Variants in LHFPL6 observed in about 807,000 individuals in gnomAD.
The protein encoded by LHFPL6 is LHFPL tetraspan subfamily member 6 protein.
In LHFPL6, 9 loss-of-function variants were observed where a neutral mutation model predicts 20.6. The ratio of observed to expected loss-of-function variants is 0.44; its 90% confidence interval spans 0.26 to 0.76. LHFPL6 has a LOEUF of 0.76. Among genes scored for constraint, LHFPL6 ranks in the 30% least tolerant of loss-of-function variants. LHFPL6 has a pLI of 0.20. For synonymous variants in LHFPL6, 105 were observed against 98.7 expected, an observed-to-expected ratio of 1.06 and a Z score of -0.38; for missense variants, 218 against 253.5, an observed-to-expected ratio of 0.86 and a Z score of 0.95.
At chr13:39,400,034 G>A (rs1036737707) in intron 2 of LHFPL6, among the ~76,000 whole-genome samples, 3 of 152,072 alleles carry the variant, frequency 2.0e-5, no homozygotes, top group African/African-American at 7.2e-5. Flanking sequence ...TGGAGATTGC[G>A]GTGAGCCAAG....
intron 2 of LHFPL6, among the ~76,000 whole-genome samples, chr13:39,584,891 A>G (rs915958248): frequency 1.3e-5 from 2 of 152,206 alleles, no homozygotes; most frequent in Non-Finnish European, 1.5e-5. Context: ...ACAGCCAGGA[A>G]GAAGAAATAA....
In LHFPL6 at chr13:39,480,379, T is replaced by C. The variant is rs530248521; in HGVS notation, c.386-101853A>G. On this transcript the variant is annotated intron_variant, in intron 2 of 3. Transcript: ENST00000379589. Reference sequence around the variant, plus strand: ...ATGAATATATTAATACAAATATGTATAGTTCATAGAGAGCATCTATTACTA... The same window carrying C: ...ATGAATATATTAATACAAATATGTACAGTTCATAGAGAGCATCTATTACTA... 7.2e-5 allele frequency among the ~76,000 whole-genome samples: 11 copies of C among 152,348 alleles called. No homozygotes were observed. In the East Asian group the frequency reaches 7.7e-4, roughly 11 times the overall value.
At chr13:39,401,999 T>G (rs1414491251) in intron 2 of LHFPL6, among the ~76,000 whole-genome samples, 2 of 152,170 alleles carry the variant, frequency 1.3e-5, no homozygotes, top group African/African-American at 2.4e-5. Flanking sequence ...ACTAACCACA[T>G]GTGGATATTG....
intron 2 of LHFPL6, among the ~76,000 whole-genome samples, chr13:39,553,254 C>T (rs547468945): frequency 6.6e-6 from 1 of 152,260 alleles, no homozygotes; most frequent in East Asian, 1.9e-4. Flanking sequence ...CTGTGGTAGA[C>T]TAATTACAGC....
chr13:39,409,190 A>G (rs1871192736), intron 2 of LHFPL6, among the ~76,000 whole-genome samples: 1 of 152,182 alleles, frequency 6.6e-6, no homozygotes, highest in Non-Finnish European at 1.5e-5. Context: ...GCGGTGGCTC[A>G]CATCTGTAAT....
intron 2 of LHFPL6, among the ~76,000 whole-genome samples, chr13:39,390,055 A>T (rs4943657): frequency 0.6 from 90,830 of 151,948 alleles, 27,841 homozygotes; most frequent in Admixed American, 0.7. Flanking sequence ...ACTTTTTTTT[A>T]AAAAGTTTGG....
chr13:39,474,452 C>T (rs904353135), intron 2 of LHFPL6, among the ~76,000 whole-genome samples: 3 of 152,032 alleles, frequency 2.0e-5, no homozygotes, highest in Non-Finnish European at 2.9e-5. Context: ...TCATATTTAG[C>T]TTTTAGTTCA....
At chr13:39,381,341 T>A (rs1460701620) in intron 2 of LHFPL6, among the ~76,000 whole-genome samples, 4 of 152,148 alleles carry the variant, frequency 2.6e-5, no homozygotes, top group Non-Finnish European at 5.9e-5. Context: ...GGCCAGGGGC[T>A]CTCCAAGGGG....
At chr13:39,563,103 C>T (rs1183143784) in intron 2 of LHFPL6, among the ~76,000 whole-genome samples, 8 of 90,112 alleles carry the variant, frequency 8.9e-5, no homozygotes, top group African/African-American at 5.4e-4. Context: ...CACACACACA[C>T]ACACACACAC....
chr13:39,446,689 T>C (rs1226955136), intron 2 of LHFPL6, among the ~76,000 whole-genome samples: 1 of 48,156 alleles, frequency 2.1e-5, no homozygotes, highest in African/African-American at 8.0e-5. Context: ...TAAACCATAT[T>C]GCCCAAAGTA....
intron 2 of LHFPL6, among the ~76,000 whole-genome samples, chr13:39,462,372 TG>T: frequency 6.6e-6 from 1 of 152,298 alleles, no homozygotes; most frequent in South Asian, 2.1e-4. Context: ...TCCTTTGCTT[TG>T]GTTGCTTTTA....
chr13:39,345,041 C>T lies in LHFPL6; in HGVS notation c.485-987G>A, dbSNP rs74044027. Among the ~76,000 whole-genome samples the T allele has an allele frequency of 6.6e-3, 1,003 of 152,308 alleles. 8 individuals are homozygous for T. The highest frequency in any genetic ancestry group is 0.023 in the African/African-American group (973 of 41,568). ...GAAGGCCTCTATATCTTATACTGGACACTGTACTTTCTGCTTCAATTCTAA... is the reference window on the plus strand; with the variant it reads ...GAAGGCCTCTATATCTTATACTGGATACTGTACTTTCTGCTTCAATTCTAA... On this transcript the variant is annotated intron_variant, in intron 3 of 3. Transcript: ENST00000379589.
intron 2 of LHFPL6, among the ~76,000 whole-genome samples, chr13:39,408,749 C>T (rs1245553565): frequency 6.6e-6 from 1 of 152,208 alleles, no homozygotes; most frequent in Non-Finnish European, 1.5e-5. Flanking sequence ...TGCCTGTCAA[C>T]ATCCAAAACA....
chr13:39,440,771 CT>C (rs1566112126), intron 2 of LHFPL6, among the ~76,000 whole-genome samples: 1 of 152,100 alleles, frequency 6.6e-6, no homozygotes, highest in Non-Finnish European at 1.5e-5. Context: ...TGAATTGTAA[CT>C]CCCACAATTC....
intron 2 of LHFPL6, among the ~76,000 whole-genome samples, chr13:39,431,242 C>A (rs1871791126): frequency 6.6e-6 from 1 of 152,192 alleles, no homozygotes; most frequent in South Asian, 2.1e-4. Flanking sequence ...CTGTAACACT[C>A]ACTGCGAAGG....
At chr13:39,569,599 C>T (rs1871849394) in intron 2 of LHFPL6, among the ~76,000 whole-genome samples, 1 of 152,090 alleles carries the variant, frequency 6.6e-6, no homozygotes, top group South Asian at 2.1e-4. Context: ...TTTACCTCAA[C>T]TTTGGTTTTG....
intron 2 of LHFPL6, among the ~76,000 whole-genome samples, chr13:39,526,491 A>G (rs1005907581): frequency 6.6e-6 from 1 of 152,080 alleles, no homozygotes; most frequent in East Asian, 1.9e-4. Flanking sequence ...AATTGCAACC[A>G]ATAACAAAAG....
chr13:39,350,208 T>C (rs184721974), intron 3 of LHFPL6, among the ~76,000 whole-genome samples: 1 of 152,340 alleles, frequency 6.6e-6, no homozygotes, highest in Non-Finnish European at 1.5e-5. Flanking sequence ...ACATGTTTTG[T>C]AGAAATTCAG....
intron 2 of LHFPL6, among the ~76,000 whole-genome samples, chr13:39,569,494 AT>A (rs1342719287): frequency 6.6e-6 from 1 of 152,170 alleles, no homozygotes; most frequent in East Asian, 1.9e-4. Context: ...AAAATTGCAA[AT>A]GGTATTATTA....
Sources: gnomAD v4.1 joint callset for allele counts (sites outside exome capture counted in the v4.1 genomes callset) on GRCh38, gnomAD v4.1.1 for gene constraint, MANE v1.5 for transcripts, NCBI Gene and HGNC (gene_info 2026-07-23, HGNC 2026-07-21) for gene names.